The following PTPRE variants were observed in gnomAD, a reference collection of about 807,000 sequenced individuals.
The protein encoded by PTPRE is receptor-type tyrosine-protein phosphatase epsilon.
In PTPRE, 51 loss-of-function variants were observed where a neutral mutation model predicts 102.0. The observed-to-expected ratio is 0.50, with a 90% CI of 0.40 to 0.63. PTPRE has a LOEUF of 0.63. Ranked by LOEUF, PTPRE falls within the 30% of genes least tolerant of loss-of-function variation. The pLI is 0.00. For missense variants in PTPRE, 752 were observed against 915.1 expected (o/e 0.82, Z 2.30); for synonymous variants, 345 against 348.2 (o/e 0.99, Z 0.10).
chr10:128,040,337 G>T (rs1038193613), intron 2 of PTPRE, among the ~76,000 whole-genome samples: 10 of 152,182 alleles, frequency 6.6e-5, no homozygotes, highest in African/African-American at 2.2e-4. Context: ...GGGTGATGAG[G>T]CTGCATGAAC....
intron 2 of PTPRE, among the ~76,000 whole-genome samples, chr10:128,019,154 C>T (rs11016015): frequency 0.058 from 8,892 of 152,330 alleles, 386 homozygotes; most frequent in Middle Eastern, 0.12. Flanking sequence ...GATCGTGCAG[C>T]GGTTCCATCA....
intron 2 of PTPRE, among the ~76,000 whole-genome samples, chr10:128,004,025 C>T (rs1258185245): frequency 6.6e-6 from 1 of 151,586 alleles, no homozygotes; most frequent in Non-Finnish European, 1.5e-5. Context: ...GCCTCAGTTT[C>T]CTTCTCTGTA....
Position 128,044,716 on chromosome 10 carries a change from G to A in PTPRE, c.110-2674G>A, listed in dbSNP as rs117404302. 1.9e-3 allele frequency among the ~76,000 whole-genome samples: 287 copies of A among 152,216 alleles called. 4 individuals are homozygous for A. The highest frequency in any genetic ancestry group is 0.014 in the South Asian group (67 of 4,826). Reference sequence around the variant, plus strand: ...GCCACCCTGACCTCTGTCCCACCCCGTCAGAGCCACAATAACATGAAATGA... The same window carrying A: ...GCCACCCTGACCTCTGTCCCACCCCATCAGAGCCACAATAACATGAAATGA... On this transcript the variant is annotated intron_variant, in intron 3 of 20. Coordinates refer to ENST00000254667, the MANE Select transcript of PTPRE (RefSeq NM_006504.6).
intron 1 of PTPRE, among the ~76,000 whole-genome samples, chr10:127,980,489 T>C (rs1198731816): frequency 6.6e-6 from 1 of 152,194 alleles, no homozygotes; most frequent in Non-Finnish European, 1.5e-5. Context: ...TCAATGCTTA[T>C]GTCTTTTAAT....
chr10:128,039,970 A>G (rs1847537279), intron 2 of PTPRE, among the ~76,000 whole-genome samples: 1 of 152,180 alleles, frequency 6.6e-6, no homozygotes, highest in South Asian at 2.1e-4. Flanking sequence ...CCAGGTGAAG[A>G]TCTGAGGTGA....
chr10:128,072,698 TAGA>T (rs1850889152), intron 16 of PTPRE: 1 of 139,572 alleles, frequency 7.2e-6, no homozygotes, highest in Non-Finnish European at 1.6e-5. Context: ...ACTTTGGAAA[TAGA>T]AGGACATAGA....
At chr10:127,910,710 G>A (rs997959201) in intron 1 of PTPRE, among the ~76,000 whole-genome samples, 2 of 152,176 alleles carry the variant, frequency 1.3e-5, no homozygotes, top group African/African-American at 4.8e-5. Flanking sequence ...TAATTGACAG[G>A]CCGCTTGGCT....
intron 12 of PTPRE, chr10:128,069,436 G>C (rs1721622253): frequency 2.0e-6 from 1 of 506,258 alleles, no homozygotes; most frequent in Non-Finnish European, 3.5e-6. Context: ...TCTCCACACA[G>C]CCTAATCCGA....
chr10:127,918,276 C>A (rs550401383), intron 1 of PTPRE, among the ~76,000 whole-genome samples: 1 of 151,914 alleles, frequency 6.6e-6, no homozygotes, highest in Non-Finnish European at 1.5e-5. Flanking sequence ...AGGAGAAAAT[C>A]GGCCTGGTGC....
chr10:127,944,376 A>G lies in PTPRE; in HGVS notation c.-31+37067A>G, dbSNP rs892222042. The stretch of plus-strand genomic sequence containing the variant: ...GGATGGATGGACGATGGACAGATGG[A>G]TGGATATGTGGATGGATGGATGGAT... On this transcript the variant is annotated intron_variant, in intron 1 of 20. Coordinates refer to ENST00000254667, the MANE Select transcript of PTPRE (RefSeq NM_006504.6). This position sits in a 1 kb window ranked among gnomAD's most constrained non-coding sequence, Gnocchi z 4.2. Among the ~76,000 whole-genome samples, 3 of 151,688 alleles carry G rather than the reference A, an allele frequency of 2.0e-5. No individual in the cohort carries two copies. Among genetic ancestry groups the G allele is most frequent in the Non-Finnish European group, 4.4e-5 (3 of 67,950 alleles).
In PTPRE at chr10:128,008,337, GA is replaced by G. The variant is rs1844684885; in HGVS notation, c.-8+26042del. Among the ~76,000 whole-genome samples, 2 of 151,860 alleles carry G rather than the reference GA, an allele frequency of 1.3e-5. No homozygotes were observed. Among genetic ancestry groups the G allele is most frequent in the South Asian group, 4.2e-4 (2 of 4,804 alleles). ...ACACTGCACCTCTGGCCTCCTCCTG[GA>G]GCTTCTGGAAGGTGAGATAAAGTCC... On this transcript the variant is annotated intron_variant, in intron 2 of 20. Coordinates refer to ENST00000254667, the MANE Select transcript of PTPRE (RefSeq NM_006504.6). The surrounding 1 kb of genome is among the most constrained non-coding windows in gnomAD (Gnocchi z 4.0).
intron 2 of PTPRE, among the ~76,000 whole-genome samples, chr10:128,036,028 C>G (rs1357600222): frequency 6.6e-6 from 1 of 152,048 alleles, no homozygotes; most frequent in African/African-American, 2.4e-5. Flanking sequence ...CTGGTGGGGT[C>G]AAGTAAAGGG....
chr10:128,022,792 G>C (rs1364696767), intron 2 of PTPRE, among the ~76,000 whole-genome samples: 1 of 152,252 alleles, frequency 6.6e-6, no homozygotes, highest in Non-Finnish European at 1.5e-5. Flanking sequence ...GCTGGAGGCA[G>C]GTGTGATGCC....
intron 17 of PTPRE, among the ~76,000 whole-genome samples, chr10:128,076,271 G>A (rs561866182): frequency 6.6e-6 from 1 of 152,288 alleles, no homozygotes; most frequent in East Asian, 1.9e-4. Flanking sequence ...AAGAGCTGGG[G>A]GCACTCACAT....
chr10:128,069,950 G>A (rs1370212040), intron 13 of PTPRE, 123 bp downstream of exon 13: 2 of 1,480,376 alleles, frequency 1.4e-6, no homozygotes, highest in Admixed American at 1.8e-5. Flanking sequence ...GCCTGGCCTG[G>A]CTTCGCTCCC....
At chr10:127,917,398 A>G (rs1315210524) in intron 1 of PTPRE, among the ~76,000 whole-genome samples, 2 of 152,172 alleles carry the variant, frequency 1.3e-5, no homozygotes, top group Non-Finnish European at 2.9e-5. Context: ...TTTGGCTTAC[A>G]GGGCCAGGTG....
chr10:128,046,660 G>A (rs774421932), intron 3 of PTPRE, among the ~76,000 whole-genome samples: 48 of 152,160 alleles, frequency 3.2e-4, no homozygotes, highest in Non-Finnish European at 6.3e-4. Flanking sequence ...AAAGTGCGAC[G>A]TTGGGAGAGT....
At chr10:127,948,779 G>T (rs1030689074) in intron 1 of PTPRE, among the ~76,000 whole-genome samples, 13 of 152,308 alleles carry the variant, frequency 8.5e-5, no homozygotes, top group Admixed American at 5.9e-4. Flanking sequence ...TTAATTTGAG[G>T]TGCCAACTTG....
chr10:127,988,866 T>G (rs927204635), intron 2 of PTPRE, among the ~76,000 whole-genome samples: 4 of 152,220 alleles, frequency 2.6e-5, no homozygotes, highest in Admixed American at 2.0e-4. Flanking sequence ...TTGCAGAGTT[T>G]GGTAAAAATT....
Sources: gnomAD v4.1 joint callset for allele counts (sites outside exome capture counted in the v4.1 genomes callset) on GRCh38, gnomAD v4.1.1 for gene constraint, Gnocchi (gnomAD v3.1) non-coding constraint, MANE v1.5 for transcripts, NCBI Gene and HGNC (gene_info 2026-07-23, HGNC 2026-07-21) for gene names.